The following H2BK1 variants were observed in gnomAD, a reference collection of about 807,000 sequenced individuals.
The protein encoded by H2BK1 is H2B.K variant histone 1.
the H2BK1 span, chr7:151,210,432 G>A: frequency 5.2e-6 from 2 of 384,354 alleles, no homozygotes; most frequent in East Asian, 7.3e-5. Context: ...GGGGGGGCAG[G>A]TGGGAGGTAA....
the H2BK1 span, among the ~76,000 whole-genome samples, chr7:151,208,673 G>A: frequency 6.6e-6 from 1 of 152,184 alleles, no homozygotes; most frequent in East Asian, 1.9e-4. Flanking sequence ...TAACCAGTGA[G>A]CCTGTCCATG....
chr7:151,208,683 G>A, the H2BK1 span, among the ~76,000 whole-genome samples: 1 of 152,192 alleles, frequency 6.6e-6, no homozygotes, highest in Admixed American at 6.5e-5. Flanking sequence ...GCCTGTCCAT[G>A]TGACACAGTC....
At chr7:151,209,534 T>C in the H2BK1 span, among the ~76,000 whole-genome samples, 1 of 152,154 alleles carries the variant, frequency 6.6e-6, no homozygotes, top group Non-Finnish European at 1.5e-5. Flanking sequence ...TGATTGTCAG[T>C]GTTCCAAGTC....
chr7:151,208,662 A>G, the H2BK1 span, among the ~76,000 whole-genome samples: 11 of 152,174 alleles, frequency 7.2e-5, no homozygotes, highest in Non-Finnish European at 1.5e-4. Flanking sequence ...GGTGGAGCAC[A>G]TAACCAGTGA....
the H2BK1 span, among the ~76,000 whole-genome samples, chr7:151,209,932 C>T: frequency 5.9e-5 from 9 of 152,186 alleles, no homozygotes; most frequent in Non-Finnish European, 1.2e-4. Context: ...CACCTAATCA[C>T]GTTATCTCAT....
At chr7:151,208,160 G>T in the H2BK1 span, 16 of 1,568,170 alleles carry the variant, frequency 1.0e-5, no homozygotes, top group African/African-American at 1.4e-5. Context: ...GGGAGGGGGG[G>T]TCCTGCCTAC....
At chr7:151,210,270 G>A in the H2BK1 span, 4 of 399,076 alleles carry the variant, frequency 1.0e-5, no homozygotes, top group South Asian at 1.3e-4. Flanking sequence ...CCAGAACTGC[G>A]ACCCCCACGG....
Sources: allele counts gnomAD v4.1 joint callset (sites outside exome capture counted in the v4.1 genomes callset), GRCh38; gene constraint gnomAD v4.1.1; transcripts MANE v1.5; gene names NCBI Gene and HGNC (gene_info 2026-07-23, HGNC 2026-07-21).